PVT1: variants seen among roughly 807,000 people sequenced by gnomAD.
PVT1 encodes the protein CXCR4/PVT1 fusion.
intron 2 of PVT1, among the ~76,000 whole-genome samples, chr8:127,826,821 T>G (rs2129689812): frequency 6.6e-6 from 1 of 152,074 alleles, no homozygotes; most frequent in African/African-American, 2.4e-5. Context: ...AAGCAATGAG[T>G]TCTTAAAATT....
rs140909802 is a variant in PVT1 at position 127,895,175 on chromosome 8, A to G, written n.782+4177A>G. On this transcript the variant is annotated intron_variant and non_coding_transcript_variant, in intron 3 of 10. Transcript: ENST00000651587. The stretch of plus-strand genomic sequence containing the variant: ...TTCATTTCATTCATTTAGTCTCAAT[A>G]AATTGAAGATAAGGGCTGAGCACAG... Among the ~76,000 whole-genome samples, 26 of 152,342 alleles carry G rather than the reference A, an allele frequency of 1.7e-4. No homozygotes were observed. The East Asian group carries it at 5.0e-3, about 29-fold the overall frequency.
At chr8:127,855,912 C>A (rs1394279999) in intron 2 of PVT1, among the ~76,000 whole-genome samples, 1 of 152,250 alleles carries the variant, frequency 6.6e-6, no homozygotes, top group African/African-American at 2.4e-5. Flanking sequence ...CAAGCAGCGT[C>A]CCCTGGTCAT....
intron 3 of PVT1, among the ~76,000 whole-genome samples, chr8:127,979,183 C>T (rs2129976510): frequency 6.6e-6 from 1 of 152,320 alleles, no homozygotes; most frequent in East Asian, 1.9e-4. Context: ...AGAAGTTTTA[C>T]CAAACTCCTT....
At chr8:127,863,040 A>C (rs1373349062) in intron 2 of PVT1, among the ~76,000 whole-genome samples, 2 of 151,962 alleles carry the variant, frequency 1.3e-5, no homozygotes, top group Non-Finnish European at 2.9e-5. Context: ...TTGCAAGTGA[A>C]TACAAGGATC....
chr8:127,993,433 A>G (rs146810298), intron 4 of PVT1, among the ~76,000 whole-genome samples: 83 of 152,318 alleles, frequency 5.4e-4, no homozygotes, highest in African/African-American at 2.0e-3. Context: ...AGCTGTCACT[A>G]TGGGTGATGA....
At chr8:128,097,132 G>A (rs373832935) in intron 6 of PVT1, among the ~76,000 whole-genome samples, 2 of 152,206 alleles carry the variant, frequency 1.3e-5, no homozygotes, top group Admixed American at 6.5e-5. Flanking sequence ...AGGCCAAGGC[G>A]GGTGGATCAC....
intron 3 of PVT1, among the ~76,000 whole-genome samples, chr8:127,908,774 CG>C (rs1250962340): frequency 3.9e-5 from 6 of 152,094 alleles, no homozygotes; most frequent in Non-Finnish European, 8.8e-5. Flanking sequence ...CCTTGGAGTG[CG>C]GGAGGAAGGG....
At chr8:128,065,883 A>C (rs916510313) in intron 4 of PVT1, among the ~76,000 whole-genome samples, 1 of 152,188 alleles carries the variant, frequency 6.6e-6, no homozygotes, top group Non-Finnish European at 1.5e-5. Context: ...TACTCATTTC[A>C]CAAATATTTG....
chr8:128,017,502 G>C (rs1182795565), intron 4 of PVT1, among the ~76,000 whole-genome samples: 1 of 151,982 alleles, frequency 6.6e-6, no homozygotes. Context: ...AGTGCAGTGA[G>C]CTCACTGCAG....
intron 4 of PVT1, among the ~76,000 whole-genome samples, chr8:128,069,863 T>G (rs1586506696): frequency 6.6e-6 from 1 of 152,178 alleles, no homozygotes; most frequent in African/African-American, 2.4e-5. Context: ...GAATGCCTTC[T>G]TTGTTCATTG....
chr8:127,895,447 C>T (rs1480064203), intron 3 of PVT1, among the ~76,000 whole-genome samples: 1 of 151,640 alleles, frequency 6.6e-6, no homozygotes, highest in Non-Finnish European at 1.5e-5. Flanking sequence ...CTCCAGCCTG[C>T]GTGACAAACT....
At chr8:127,982,490 C>A (rs558324163) in intron 3 of PVT1, among the ~76,000 whole-genome samples, 17 of 152,062 alleles carry the variant, frequency 1.1e-4, no homozygotes, top group Non-Finnish European at 1.9e-4. Context: ...GTAACTTTGT[C>A]AATTTCTTTT....
intron 3 of PVT1, among the ~76,000 whole-genome samples, chr8:127,966,751 C>T (rs572103798): frequency 3.3e-4 from 50 of 152,276 alleles, no homozygotes; most frequent in African/African-American, 1.2e-3. Context: ...CATATGTCAG[C>T]GCTGTAAAAG....
intron 3 of PVT1, among the ~76,000 whole-genome samples, chr8:127,917,411 A>G (rs958949531): frequency 1.2e-4 from 18 of 152,314 alleles, no homozygotes; most frequent in African/African-American, 3.8e-4. Context: ...TCTGGTAGCA[A>G]TAAAGGAAAC....
chr8:127,919,082 A>G (rs1816025365), intron 3 of PVT1, among the ~76,000 whole-genome samples: 1 of 152,126 alleles, frequency 6.6e-6, no homozygotes, highest in Non-Finnish European at 1.5e-5. Flanking sequence ...TTCCCTCCCT[A>G]GAGATGTGAT....
intron 2 of PVT1, among the ~76,000 whole-genome samples, chr8:127,865,954 A>G (rs1266972328): frequency 6.6e-6 from 1 of 152,176 alleles, no homozygotes; most frequent in Non-Finnish European, 1.5e-5. Flanking sequence ...GTGACCTGGC[A>G]GGGATGGCTT....
intron 2 of PVT1, among the ~76,000 whole-genome samples, chr8:127,866,213 C>T (rs1157002319): frequency 6.6e-6 from 1 of 152,186 alleles, no homozygotes; most frequent in Non-Finnish European, 1.5e-5. Context: ...TATCTGCTGG[C>T]TGTGTCCCTG....
intron 2 of PVT1, among the ~76,000 whole-genome samples, chr8:127,837,814 C>A (rs1440224316): frequency 6.6e-6 from 1 of 152,076 alleles, no homozygotes; most frequent in Non-Finnish European, 1.5e-5. Context: ...CAGGTATGAT[C>A]AGCCTATGTA....
At chr8:128,044,953 G>A (rs528162086) in intron 4 of PVT1, among the ~76,000 whole-genome samples, 23 of 152,328 alleles carry the variant, frequency 1.5e-4, no homozygotes, top group African/African-American at 5.5e-4. Flanking sequence ...ACTACTGTAA[G>A]GTACATGAAT....
Sources: gnomAD v4.1 joint callset for allele counts (sites outside exome capture counted in the v4.1 genomes callset) on GRCh38, gnomAD v4.1.1 for gene constraint, MANE v1.5 for transcripts, NCBI Gene and HGNC (gene_info 2026-07-23, HGNC 2026-07-21) for gene names.